COL25A1: variants seen among roughly 807,000 people sequenced by gnomAD.
COL25A1 encodes collagen alpha-1(XXV) chain.
A neutral mutation model predicts 128.4 loss-of-function variants in COL25A1; 103 were observed. The observed-to-expected ratio is 0.80, with a 90% CI of 0.68 to 0.94. The LOEUF is 0.94. Ranked by LOEUF, COL25A1 falls within the 40% of genes least tolerant of loss-of-function variation. The probability of loss-of-function intolerance (pLI) is 0.00; values close to 1 mark genes in which losing one functional copy is unlikely to be tolerated. For missense variants in COL25A1, 745 were observed against 840.0 expected (o/e 0.89, Z 1.40); for synonymous variants, 279 against 277.2 (o/e 1.01, Z -0.06).
At chr4:109,147,074 G>T (rs1433971947) in intron 3 of COL25A1, among the ~76,000 whole-genome samples, 1 of 152,196 alleles carries the variant, frequency 6.6e-6, no homozygotes, top group Non-Finnish European at 1.5e-5. Context: ...AAGAGAAGGG[G>T]TAAAATCGCC....
intron 3 of COL25A1, among the ~76,000 whole-genome samples, chr4:109,293,833 T>A (rs981634577): frequency 6.6e-6 from 1 of 152,136 alleles, no homozygotes; most frequent in Non-Finnish European, 1.5e-5. Context: ...GATGACATTA[T>A]GTCAAAAGCA....
chr4:109,100,238 T>C (rs1164367177), intron 3 of COL25A1, among the ~76,000 whole-genome samples: 2 of 152,112 alleles, frequency 1.3e-5, no homozygotes, highest in African/African-American at 4.8e-5. Flanking sequence ...AAACATGCAG[T>C]CATTTTCAGC....
At chr4:109,057,421 ATTTTTTTTTTTTTTT>A (rs776941019) in intron 3 of COL25A1, among the ~76,000 whole-genome samples, 16 of 20,240 alleles carry the variant, frequency 7.9e-4, no homozygotes, top group Admixed American at 5.3e-3. Flanking sequence ...TGCCTAGCTA[ATTTTTTTTTTTTTTT>A]TTTTTTTTTT....
intron 11 of COL25A1, among the ~76,000 whole-genome samples, chr4:108,922,206 T>G (rs1220554227): frequency 6.6e-6 from 1 of 152,176 alleles, no homozygotes; most frequent in Non-Finnish European, 1.5e-5. Flanking sequence ...GTTTGGAAAG[T>G]AAATGTTCGT....
At chr4:108,893,148 G>A (rs1285219701) in intron 16 of COL25A1, among the ~76,000 whole-genome samples, 1 of 152,042 alleles carries the variant, frequency 6.6e-6, no homozygotes, top group African/African-American at 2.4e-5. Context: ...TTGCTATGTA[G>A]ATGTGAAGTA....
intron 3 of COL25A1, among the ~76,000 whole-genome samples, chr4:109,086,767 A>G (rs1764425826): frequency 6.6e-6 from 1 of 152,160 alleles, no homozygotes; most frequent in Non-Finnish European, 1.5e-5. Flanking sequence ...GTCTTCTTGG[A>G]AGAGTCTGTT....
At chr4:108,826,550 T>C (rs1732402416) in intron 33 of COL25A1, among the ~76,000 whole-genome samples, 1 of 151,994 alleles carries the variant, frequency 6.6e-6, no homozygotes, top group African/African-American at 2.4e-5. Context: ...ATGATAATAA[T>C]AATAAGAAGA....
At chr4:109,186,488 TTGTA>T (rs1775143144) in intron 3 of COL25A1, among the ~76,000 whole-genome samples, 1 of 152,228 alleles carries the variant, frequency 6.6e-6, no homozygotes, top group Non-Finnish European at 1.5e-5. Flanking sequence ...AATTACATTA[TTGTA>T]TGCTTCCTAT....
At chr4:108,937,506 G>A (rs1246085401) in intron 11 of COL25A1, among the ~76,000 whole-genome samples, 2 of 151,938 alleles carry the variant, frequency 1.3e-5, no homozygotes, top group African/African-American at 2.4e-5. Context: ...TAAGCTAATA[G>A]GCATGCCCCT....
intron 3 of COL25A1, among the ~76,000 whole-genome samples, chr4:109,197,473 T>C (rs1309087163): frequency 4.3e-5 from 5 of 117,420 alleles, no homozygotes; most frequent in African/African-American, 1.6e-4. Flanking sequence ...TTATATATAA[T>C]ATATATTATA....
chr4:109,152,277 T>G (rs999114916), intron 3 of COL25A1, among the ~76,000 whole-genome samples: 1 of 152,180 alleles, frequency 6.6e-6, no homozygotes, highest in Admixed American at 6.5e-5. Flanking sequence ...ATACAGTAAG[T>G]GGAGTTCAAA....
At chr4:108,883,780 A>T (rs1298301028) in intron 19 of COL25A1, among the ~76,000 whole-genome samples, 1 of 152,232 alleles carries the variant, frequency 6.6e-6, no homozygotes, top group East Asian at 1.9e-4. Flanking sequence ...TGAGTGAATC[A>T]CAAAAACAGC....
intron 3 of COL25A1, among the ~76,000 whole-genome samples, chr4:109,275,003 G>C (rs1027179689): frequency 6.6e-6 from 1 of 152,154 alleles, no homozygotes; most frequent in African/African-American, 2.4e-5. Context: ...TACAAAATTA[G>C]TTTTTACACA....
At position 108,862,590 on chromosome 4, in the gene COL25A1, G is replaced by T. The variant is rs1244958989; in HGVS notation, c.1153-45C>A. 7.9e-6 allele frequency: 12 copies of T among 1,522,100 alleles called. No individual in the cohort carries two copies. In the East Asian group the frequency reaches 2.0e-4, roughly 26 times the overall value. The allele number at this position is 1,522,100 out of a possible 1,614,324, so 94.3% of individuals were successfully genotyped here. A position where few individuals can be genotyped will look rare whatever the true frequency, so the allele number is the denominator to read the frequency against. ...GGATGAAAAAGATAAAATTATAGAA[G>T]AGATAAGAACAGAAAAATAGAAATT... On this transcript the variant is annotated intron_variant, in intron 21 of 37. Coordinates refer to ENST00000399132, the MANE Select transcript of COL25A1 (RefSeq NM_198721.4).
chr4:109,065,545 CGTGTGT>C (rs70949065), intron 3 of COL25A1, among the ~76,000 whole-genome samples: 12,461 of 141,134 alleles, frequency 0.088, 664 homozygotes, highest in Admixed American at 0.13. Context: ...CGCGCGCGCG[CGTGTGT>C]GTGTGTGTGT....
At chr4:108,823,669 T>G (rs1364123024) in intron 35 of COL25A1, among the ~76,000 whole-genome samples, 2 of 152,168 alleles carry the variant, frequency 1.3e-5, no homozygotes, top group African/African-American at 4.8e-5. Flanking sequence ...TGGCAAGTCC[T>G]AGTCCTGTGT....
chr4:108,983,776 G>A (rs1753306961), intron 6 of COL25A1, among the ~76,000 whole-genome samples: 1 of 152,106 alleles, frequency 6.6e-6, no homozygotes, highest in African/African-American at 2.4e-5. Flanking sequence ...CCTCCCTGTG[G>A]GTTCGTGGTC....
chr4:108,964,968 T>C (rs535464062), intron 8 of COL25A1, among the ~76,000 whole-genome samples: 204 of 152,276 alleles, frequency 1.3e-3, no homozygotes, highest in Non-Finnish European at 1.2e-3. Flanking sequence ...ACCCAATGAG[T>C]AGTATATTCA....
chr4:108,914,094 T>G (rs547620869), intron 13 of COL25A1, among the ~76,000 whole-genome samples: 3 of 152,200 alleles, frequency 2.0e-5, no homozygotes, highest in Non-Finnish European at 4.4e-5. Flanking sequence ...AGGTAGGATT[T>G]GCTTTAGATC....
Sources: gnomAD v4.1 joint callset for allele counts (sites outside exome capture counted in the v4.1 genomes callset) on GRCh38, gnomAD v4.1.1 for gene constraint, MANE v1.5 for transcripts, NCBI Gene and HGNC (gene_info 2026-07-23, HGNC 2026-07-21) for gene names.